The following PTGS1 variants were observed in gnomAD, a reference collection of about 807,000 sequenced individuals.
PTGS1 encodes the protein prostaglandin G/H synthase 1.
A neutral mutation model predicts 63.0 loss-of-function variants in PTGS1; 40 were observed. That is an observed-to-expected ratio of 0.63 (90% CI 0.49 to 0.83). The LOEUF (loss-of-function observed/expected upper bound fraction) is 0.83. Ranked by LOEUF, PTGS1 falls within the 40% of genes least tolerant of loss-of-function variation. The pLI is 0.00. For synonymous variants in PTGS1, 298 were observed against 301.9 expected (o/e 0.99, Z 0.13); for missense variants, 709 against 786.5 (o/e 0.90, Z 1.18).
chr9:122,381,897 G>T, intron 7 of PTGS1, 150 bp downstream of exon 7: 2 of 806,222 alleles, frequency 2.5e-6, no homozygotes, highest in South Asian at 3.3e-5. Context: ...TATACGCTGG[G>T]AGGAGGCAGC....
chr9:122,376,816 T>A (rs1479521189), intron 2 of PTGS1, among the ~76,000 whole-genome samples: 1 of 152,190 alleles, frequency 6.6e-6, no homozygotes, highest in African/African-American at 2.4e-5. Flanking sequence ...TTTCCTTCAC[T>A]GAACAGGGTG....
In PTGS1 at chr9:122,381,362, C is replaced by G. The variant is rs1386638550; in HGVS notation, c.497-9C>G. The G allele has an allele frequency of 6.2e-7, 1 of 1,613,228 alleles. No homozygotes were observed. The highest frequency in any genetic ancestry group is 1.3e-5 in the African/African-American group (1 of 74,914). On this transcript the variant is annotated splice_polypyrimidine_tract_variant and intron_variant, in intron 5 of 10. Coordinates refer to ENST00000362012, the MANE Select transcript of PTGS1 (RefSeq NM_000962.4). ...GAGAAGCTACTGCTGTTTCCTACCC[C>G]CCAACCAGGGAAGAAGCAGTTGCCA...
At position 122,379,204 on chromosome 9, in the gene PTGS1, G is replaced by A. The variant is rs77716345; in HGVS notation, c.496+286G>A. On this transcript the variant is annotated intron_variant, in intron 5 of 10. Coordinates refer to ENST00000362012, the MANE Select transcript of PTGS1 (RefSeq NM_000962.4). ...GTCCTGCCGGGGTGGAAGTGACTTA[G>A]AAGTTGAGATGTAGGAAAGAATAGT... Among the ~76,000 whole-genome samples the A allele has an allele frequency of 1.1e-4, 16 of 152,270 alleles. No homozygotes were observed. In the East Asian group the frequency reaches 3.1e-3, roughly 29 times the overall value.
chr9:122,385,793 C>T (rs1428378768), intron 8 of PTGS1, among the ~76,000 whole-genome samples: 1 of 152,008 alleles, frequency 6.6e-6, no homozygotes, highest in East Asian at 1.9e-4. Flanking sequence ...TCTCCACCTT[C>T]TTTTAATGGG....
At chr9:122,380,594 C>T (rs1408082347) in intron 5 of PTGS1, among the ~76,000 whole-genome samples, 1 of 152,206 alleles carries the variant, frequency 6.6e-6, no homozygotes, top group African/African-American at 2.4e-5. Context: ...CACAGCCACA[C>T]ACATTTGTTT....
intron 2 of PTGS1, chr9:122,375,503 ACCACATCTGGATC>A: frequency 1.0e-6 from 1 of 984,312 alleles, no homozygotes; most frequent in Non-Finnish European, 1.2e-6. Flanking sequence ...AGCTCTGGCT[ACCACATCTGGATC>A]CCAGACCTGG....
intron 8 of PTGS1, 133 bp downstream of exon 8, chr9:122,383,888 G>C: frequency 8.0e-7 from 1 of 1,251,180 alleles, no homozygotes; most frequent in Non-Finnish European, 1.1e-6. Flanking sequence ...AGAAGACCTT[G>C]AGCAGGCCCC....
intron 9 of PTGS1, among the ~76,000 whole-genome samples, chr9:122,389,721 G>T (rs1033065229): frequency 6.6e-6 from 1 of 152,132 alleles, no homozygotes; most frequent in Admixed American, 6.5e-5. Flanking sequence ...TTGGGAGGCT[G>T]TGGTGGGAGG....
upstream of PTGS1, chr9:122,370,961 G>T: frequency 6.8e-7 from 1 of 1,469,878 alleles, no homozygotes; most frequent in Non-Finnish European, 9.1e-7. Flanking sequence ...GGTGACAGCT[G>T]GAGGGAGGAG....
intron 9 of PTGS1, among the ~76,000 whole-genome samples, chr9:122,388,617 A>C (rs1399689947): frequency 6.6e-6 from 1 of 152,232 alleles, no homozygotes; most frequent in African/African-American, 2.4e-5. Context: ...TCAGAGCAAC[A>C]GATGGAGGCT....
intron 7 of PTGS1, among the ~76,000 whole-genome samples, chr9:122,382,256 T>C (rs1236892109): frequency 6.6e-6 from 1 of 152,246 alleles, no homozygotes; most frequent in Non-Finnish European, 1.5e-5. Flanking sequence ...GTGAAATGAT[T>C]TTAATAATAC....
chr9:122,383,711 G>C lies in PTGS1; in HGVS notation c.965G>C (p.Trp322Ser). The C allele has an allele frequency of 1.2e-6, 2 of 1,613,710 alleles. No individual in the cohort carries two copies. Among genetic ancestry groups the C allele is most frequent in the Middle Eastern group, 1.6e-4 (1 of 6,062 alleles). ...CDLLKAEHPT[W>S]GDEQLFQTTR... is the part of the protein sequence containing the mutation. Reference sequence around the variant, plus strand: ...CTGCTGAAGGCTGAGCACCCCACCTGGGGCGATGAGCAGCTTTTCCAGACG... The same window carrying C: ...CTGCTGAAGGCTGAGCACCCCACCTCGGGCGATGAGCAGCTTTTCCAGACG... Residue 322 changes from tryptophan to serine, a missense_variant, in exon 8 of 11, where the codon TGG becomes TCG. Physicochemically the swap from Trp to Ser is radical, Grantham distance 177 (BLOSUM62 -3). Coordinates refer to ENST00000362012, the MANE Select transcript of PTGS1 (RefSeq NM_000962.4).
intron 8 of PTGS1, 90 bp downstream of exon 8, chr9:122,383,845 G>A: frequency 6.6e-7 from 1 of 1,524,394 alleles, no homozygotes. Context: ...GTGGAGGCTG[G>A]GATTAGAATC....
intron 2 of PTGS1, chr9:122,371,505 G>A: frequency 7.7e-7 from 1 of 1,303,938 alleles, no homozygotes; most frequent in Non-Finnish European, 1.0e-6. Context: ...ACTGGGATCT[G>A]GTGCCAACTT....
chr9:122,381,799 C>G (rs752524179), intron 7 of PTGS1, 52 bp downstream of exon 7: 3 of 1,558,464 alleles, frequency 1.9e-6, no homozygotes, highest in Middle Eastern at 3.5e-4. Context: ...CATGGTCTTC[C>G]CTGGCAAAGA....
chr9:122,373,849 TC>T (rs1299831248), intron 2 of PTGS1, among the ~76,000 whole-genome samples: 3 of 146,148 alleles, frequency 2.1e-5, no homozygotes, highest in Admixed American at 2.0e-4. Flanking sequence ...CAGTCAGGGT[TC>T]CCCACCTTTT....
chr9:122,391,002 A>G (rs1838187737), intron 10 of PTGS1, among the ~76,000 whole-genome samples: 3 of 152,024 alleles, frequency 2.0e-5, no homozygotes, highest in Admixed American at 6.6e-5. Flanking sequence ...ATGATTAGTG[A>G]TGGGAGGTTG....
chr9:122,395,589 T>G lies in PTGS1; in HGVS notation c.*3045T>G, dbSNP rs978395447. 3 of 152,200 alleles carry G rather than the reference T, an allele frequency of 2.0e-5. No individual in the cohort carries two copies. The highest frequency in any genetic ancestry group is 7.2e-5 in the African/African-American group (3 of 41,452). 9.4% of individuals were successfully genotyped at this position (152,200 alleles called of 1,614,324 possible). On this transcript the variant is annotated 3_prime_UTR_variant, in exon 11 of 11. Transcript: ENST00000362012. ...AAGAAGAAACTTTGCCTCAAGACTATAGCCATCGACTCCTGCCTGAGTTTC... is the reference window on the plus strand; with the variant it reads ...AAGAAGAAACTTTGCCTCAAGACTAGAGCCATCGACTCCTGCCTGAGTTTC...
intron 2 of PTGS1, among the ~76,000 whole-genome samples, chr9:122,375,991 G>A (rs1029450154): frequency 2.6e-5 from 4 of 152,040 alleles, no homozygotes; most frequent in Admixed American, 6.5e-5. Flanking sequence ...TGCTACAGGG[G>A]CTCCTGGGCA....
Sources: gnomAD v4.1 joint callset for allele counts (sites outside exome capture counted in the v4.1 genomes callset) on GRCh38, gnomAD v4.1.1 for gene constraint, MANE v1.5 for transcripts, NCBI Gene and HGNC (gene_info 2026-07-23, HGNC 2026-07-21) for gene names.